Variants in NTN4 observed in about 807,000 individuals in gnomAD.
The protein encoded by NTN4 is netrin 4.
In NTN4, 32 loss-of-function variants were observed where a neutral mutation model predicts 73.6. The ratio of observed to expected loss-of-function variants is 0.44; its 90% CI spans 0.33 to 0.58. NTN4 has a LOEUF of 0.58. Ranked by LOEUF, NTN4 falls within the 20% of genes least tolerant of loss-of-function variation. NTN4 has a pLI of 0.04. For synonymous variants in NTN4, 258 were observed against 287.5 expected, an observed-to-expected ratio of 0.90 and a Z score of 1.04; for missense variants, 654 against 798.3, an observed-to-expected ratio of 0.82 and a Z score of 2.18.
intron 7 of NTN4, chr12:95,672,726 G>C: frequency 7.1e-7 from 1 of 1,411,360 alleles, no homozygotes. Flanking sequence ...AGGATCGTAG[G>C]TATGCAGACC....
chr12:95,764,676 C>CAAA (rs11326708), intron 2 of NTN4, among the ~76,000 whole-genome samples: 1 of 98,876 alleles, frequency 1.0e-5, no homozygotes. Flanking sequence ...CCGCCCCGAC[C>CAAA]AAAAAAAAAA....
chr12:95,763,053 C>T (rs1202598851), intron 2 of NTN4, among the ~76,000 whole-genome samples: 1 of 152,088 alleles, frequency 6.6e-6, no homozygotes, highest in Non-Finnish European at 1.5e-5. Context: ...GTTTCTGTGA[C>T]CTTAAGCCTT....
intron 2 of NTN4, among the ~76,000 whole-genome samples, chr12:95,777,257 A>G (rs1431351789): frequency 6.6e-6 from 1 of 152,060 alleles, no homozygotes; most frequent in African/African-American, 2.4e-5. Flanking sequence ...CATCAACTAA[A>G]CAGCAAAATA....
At chr12:95,722,761 G>A (rs1236842933) in intron 3 of NTN4, among the ~76,000 whole-genome samples, 1 of 152,132 alleles carries the variant, frequency 6.6e-6, no homozygotes, top group East Asian at 1.9e-4. Flanking sequence ...GATCACTTGA[G>A]GTCAGGATTT....
intron 7 of NTN4, among the ~76,000 whole-genome samples, chr12:95,680,610 G>A (rs913410410): frequency 1.3e-5 from 2 of 152,136 alleles, no homozygotes; most frequent in Non-Finnish European, 2.9e-5. Flanking sequence ...GCAAACAAAC[G>A]AGAGAATAAA....
chr12:95,711,667 T>G (rs1418090510), intron 4 of NTN4, among the ~76,000 whole-genome samples: 1 of 152,240 alleles, frequency 6.6e-6, no homozygotes, highest in Non-Finnish European at 1.5e-5. Flanking sequence ...AGAAGAGGCC[T>G]GCAGTATTTA....
intron 9 of NTN4, among the ~76,000 whole-genome samples, chr12:95,659,708 A>G (rs537364198): frequency 6.6e-6 from 1 of 152,316 alleles, no homozygotes; most frequent in African/African-American, 2.4e-5. Context: ...TACATGTATG[A>G]TCTCATTTAG....
chr12:95,713,541 T>C (rs1250896568), intron 3 of NTN4, among the ~76,000 whole-genome samples: 4 of 152,226 alleles, frequency 2.6e-5, no homozygotes, highest in Non-Finnish European at 5.9e-5. Flanking sequence ...TTAAGTAATA[T>C]AGTTTCTTGG....
intron 2 of NTN4, among the ~76,000 whole-genome samples, chr12:95,742,829 T>C (rs2078836318): frequency 6.6e-6 from 1 of 152,216 alleles, no homozygotes; most frequent in Admixed American, 6.5e-5. Context: ...CATTTCATAA[T>C]GACTGCTGAA....
chr12:95,680,434 G>A (rs1222967965), intron 7 of NTN4, among the ~76,000 whole-genome samples: 2 of 152,336 alleles, frequency 1.3e-5, no homozygotes, highest in Middle Eastern at 3.4e-3. Context: ...CAGGTAGCCC[G>A]CAAGCTATAG....
intron 5 of NTN4, among the ~76,000 whole-genome samples, chr12:95,708,444 C>T (rs543466960): frequency 4.6e-4 from 70 of 151,978 alleles, no homozygotes; most frequent in African/African-American, 1.5e-3. Flanking sequence ...CCCGCCACCA[C>T]GCCCGGCTAA....
intron 3 of NTN4, among the ~76,000 whole-genome samples, chr12:95,721,051 T>A (rs2078644151): frequency 6.6e-6 from 1 of 152,210 alleles, no homozygotes; most frequent in Admixed American, 6.5e-5. Context: ...TAAAGCTACC[T>A]GAACTCCAGC....
intron 2 of NTN4, among the ~76,000 whole-genome samples, chr12:95,749,862 T>G (rs1225048789): frequency 6.6e-6 from 1 of 151,042 alleles, no homozygotes; most frequent in East Asian, 2.0e-4. Flanking sequence ...CAAGTCCCGC[T>G]TTTCTGGGAG....
chr12:95,733,996 G>A (rs1387233552), intron 3 of NTN4, among the ~76,000 whole-genome samples: 2 of 151,416 alleles, frequency 1.3e-5, no homozygotes, highest in African/African-American at 4.9e-5. Context: ...CTTGAACCCG[G>A]GAGGGGGAGG....
chr12:95,659,699 A>T (rs1229549540), intron 9 of NTN4, among the ~76,000 whole-genome samples: 1 of 152,230 alleles, frequency 6.6e-6, no homozygotes, highest in Non-Finnish European at 1.5e-5. Context: ...TGTATGCTTT[A>T]CATGTATGAT....
At chr12:95,677,669 T>G (rs1483498024) in intron 7 of NTN4, among the ~76,000 whole-genome samples, 1 of 152,196 alleles carries the variant, frequency 6.6e-6, no homozygotes, top group East Asian at 1.9e-4. Flanking sequence ...TGATAATAAT[T>G]GCCATTCTGA....
chr12:95,718,479 C>G (rs1387522774), intron 3 of NTN4, among the ~76,000 whole-genome samples: 1 of 152,132 alleles, frequency 6.6e-6, no homozygotes, highest in Non-Finnish European at 1.5e-5. Flanking sequence ...TAGGTTCCTT[C>G]TAGTCTTAAG....
intron 7 of NTN4, among the ~76,000 whole-genome samples, chr12:95,674,958 G>A (rs2078261941): frequency 1.3e-5 from 2 of 152,218 alleles, no homozygotes; most frequent in African/African-American, 4.8e-5. Flanking sequence ...CTTAGTGAAT[G>A]TCCTATAGTC....
At chr12:95,750,467 T>C (rs1165570193) in intron 2 of NTN4, among the ~76,000 whole-genome samples, 1 of 152,204 alleles carries the variant, frequency 6.6e-6, no homozygotes, top group Non-Finnish European at 1.5e-5. Flanking sequence ...GCAATGCCAC[T>C]TGACCCCAAT....
Sources: gnomAD v4.1 joint callset for allele counts (sites outside exome capture counted in the v4.1 genomes callset) on GRCh38, gnomAD v4.1.1 for gene constraint, MANE v1.5 for transcripts, NCBI Gene and HGNC (gene_info 2026-07-23, HGNC 2026-07-21) for gene names.